The following LRRTM4 variants were observed in gnomAD, a reference collection of about 807,000 sequenced individuals.
LRRTM4 encodes leucine-rich repeat transmembrane neuronal protein 4.
A neutral mutation model predicts 47.6 loss-of-function variants in LRRTM4; 25 were observed. The ratio of observed to expected loss-of-function variants is 0.53; its 90% CI spans 0.38 to 0.73. The LOEUF is 0.73. LRRTM4 is among the 30% of genes least tolerant of loss of function. LRRTM4 has a pLI of 0.00. For synonymous variants in LRRTM4, 311 were observed against 269.5 expected, an observed-to-expected ratio of 1.15 and a Z score of -1.51; for missense variants, 638 against 713.4, an observed-to-expected ratio of 0.89 and a Z score of 1.20.
In LRRTM4 at chr2:77,493,330, A is replaced by C. The variant is rs550111527; in HGVS notation, c.1551+24988T>G. On this transcript the variant is annotated intron_variant, in intron 3 of 3. Coordinates refer to ENST00000409884, the MANE Select transcript of LRRTM4 (RefSeq NM_001134745.3). ...ATCGGTAATAAGAAATCAGGAGACG[A>C]AGCATTATATTCAATAATGATTTCT... 7.4e-4 allele frequency among the ~76,000 whole-genome samples: 113 copies of C among 152,102 alleles called. 1 individual carries two copies. Among genetic ancestry groups the C allele is most frequent in the Non-Finnish European group, 1.4e-3 (92 of 67,956 alleles).
intron 3 of LRRTM4, among the ~76,000 whole-genome samples, chr2:76,916,964 G>C (rs1291681653): frequency 6.6e-6 from 1 of 152,154 alleles, no homozygotes; most frequent in African/African-American, 2.4e-5. Flanking sequence ...TAACTCTACA[G>C]TATGAAATTT....
At chr2:77,184,003 A>G (rs1012391969) in intron 3 of LRRTM4, among the ~76,000 whole-genome samples, 1 of 152,152 alleles carries the variant, frequency 6.6e-6, no homozygotes, top group Non-Finnish European at 1.5e-5. Flanking sequence ...TAATGGGTGC[A>G]GCACACCAAC....
intron 3 of LRRTM4, among the ~76,000 whole-genome samples, chr2:76,908,772 A>T (rs1673942933): frequency 6.6e-6 from 1 of 152,090 alleles, no homozygotes; most frequent in Non-Finnish European, 1.5e-5. Context: ...AATACCTAGG[A>T]ATCCACCTTA....
intron 3 of LRRTM4, among the ~76,000 whole-genome samples, chr2:77,151,910 A>G (rs943015643): frequency 1.3e-5 from 2 of 152,328 alleles, no homozygotes; most frequent in South Asian, 2.1e-4. Flanking sequence ...TCTAAACATG[A>G]AGAAATTTAC....
chr2:76,797,430 C>A (rs1412842361), intron 3 of LRRTM4, among the ~76,000 whole-genome samples: 1 of 151,888 alleles, frequency 6.6e-6, no homozygotes, highest in Non-Finnish European at 1.5e-5. Context: ...GATTTTGTCA[C>A]CACCAGGCCT....
intron 3 of LRRTM4, among the ~76,000 whole-genome samples, chr2:77,271,398 C>T (rs1423974005): frequency 6.6e-6 from 1 of 152,180 alleles, no homozygotes; most frequent in Non-Finnish European, 1.5e-5. Context: ...CTCTCACTTG[C>T]TTGCTTGCGC....
chr2:76,900,060 C>A (rs909775815), intron 3 of LRRTM4, among the ~76,000 whole-genome samples: 1 of 152,066 alleles, frequency 6.6e-6, no homozygotes, highest in Non-Finnish European at 1.5e-5. Context: ...GAAACCCAGT[C>A]TCTACTAAAA....
At chr2:77,276,686 CATAT>C (rs3980215) in intron 3 of LRRTM4, among the ~76,000 whole-genome samples, 7,873 of 71,224 alleles carry the variant, frequency 0.11, 939 homozygotes, top group East Asian at 0.18. Context: ...TTTGTGTACG[CATAT>C]ATATATATAT....
intron 3 of LRRTM4, among the ~76,000 whole-genome samples, chr2:77,093,046 C>T (rs1670698786): frequency 6.8e-6 from 1 of 147,272 alleles, no homozygotes; most frequent in African/African-American, 2.7e-5. Context: ...TTTATTAGGC[C>T]CCAGTCTCAT....
intron 3 of LRRTM4, among the ~76,000 whole-genome samples, chr2:77,504,138 A>G (rs1395709710): frequency 6.6e-6 from 1 of 151,648 alleles, no homozygotes; most frequent in Non-Finnish European, 1.5e-5. Flanking sequence ...AAGTATGTTT[A>G]AAAGCCTATA....
At chr2:76,818,215 G>C (rs2103848783) in intron 3 of LRRTM4, among the ~76,000 whole-genome samples, 1 of 151,974 alleles carries the variant, frequency 6.6e-6, no homozygotes, top group Non-Finnish European at 1.5e-5. Context: ...ATTGACTATT[G>C]TTTAATCTAA....
chr2:77,052,524 G>A (rs1282922985), intron 3 of LRRTM4, among the ~76,000 whole-genome samples: 1 of 151,876 alleles, frequency 6.6e-6, no homozygotes, highest in Non-Finnish European at 1.5e-5. Context: ...ACCATTAAGG[G>A]CCATGTTACT....
intron 3 of LRRTM4, among the ~76,000 whole-genome samples, chr2:77,284,761 G>A (rs907878076): frequency 6.6e-6 from 1 of 152,058 alleles, no homozygotes; most frequent in Non-Finnish European, 1.5e-5. Flanking sequence ...CTGTAGTGAG[G>A]AAGAGGCAAA....
At chr2:76,795,584 C>A (rs566059894) in intron 3 of LRRTM4, among the ~76,000 whole-genome samples, 18,739 of 102,680 alleles carry the variant, frequency 0.18, 1,386 homozygotes, top group East Asian at 0.41. Context: ...TATATGCACA[C>A]ACACACATAC....
chr2:77,228,346 G>C (rs891503188), intron 3 of LRRTM4, among the ~76,000 whole-genome samples: 10 of 151,984 alleles, frequency 6.6e-5, no homozygotes, highest in Non-Finnish European at 1.3e-4. Flanking sequence ...ATCTGGTTTT[G>C]TCCCACCTTG....
chr2:76,760,700 C>A (rs990094929), intron 3 of LRRTM4, among the ~76,000 whole-genome samples: 2 of 152,272 alleles, frequency 1.3e-5, no homozygotes, highest in South Asian at 2.1e-4. Flanking sequence ...ATTATCCTCA[C>A]CTTCCAGCCC....
intron 3 of LRRTM4, among the ~76,000 whole-genome samples, chr2:76,822,597 C>T (rs1456660264): frequency 6.6e-6 from 1 of 151,488 alleles, no homozygotes; most frequent in Admixed American, 6.6e-5. Flanking sequence ...TAAAAAAACA[C>T]TGCCACTCTG....
At chr2:77,136,602 A>G (rs1671951190) in intron 3 of LRRTM4, among the ~76,000 whole-genome samples, 1 of 152,240 alleles carries the variant, frequency 6.6e-6, no homozygotes, top group Non-Finnish European at 1.5e-5. Context: ...GCTCCTCGCT[A>G]GGAAAAGAAC....
intron 3 of LRRTM4, among the ~76,000 whole-genome samples, chr2:76,896,084 G>C (rs1166112305): frequency 1.3e-5 from 2 of 152,010 alleles, no homozygotes; most frequent in Non-Finnish European, 2.9e-5. Context: ...AGATATTAAA[G>C]ATCATTATTT....
Sources: allele counts gnomAD v4.1 joint callset (sites outside exome capture counted in the v4.1 genomes callset), GRCh38; gene constraint gnomAD v4.1.1; transcripts MANE v1.5; gene names NCBI Gene and HGNC (gene_info 2026-07-23, HGNC 2026-07-21).